DIS3L: variants seen among roughly 807,000 people sequenced by gnomAD.
DIS3L encodes DIS3 like exosome 3'-5' exoribonuclease.
A neutral mutation model predicts 120.3 loss-of-function variants in DIS3L; 100 were observed. The ratio of observed to expected loss-of-function variants is 0.83; its 90% CI spans 0.71 to 0.98. DIS3L has a LOEUF of 0.98. Ranked by LOEUF, DIS3L falls within the 50% of genes least tolerant of loss-of-function variation. DIS3L has a pLI of 0.00. For missense variants in DIS3L, 1,196 were observed against 1,314.2 expected (o/e 0.91, Z 1.39); for synonymous variants, 426 against 470.6 (o/e 0.91, Z 1.23).
At chr15:66,309,094 A>AAAAAAAAAAAAAAAAATATATAT in intron 4 of DIS3L, among the ~76,000 whole-genome samples, 9 of 15,314 alleles carry the variant, frequency 5.9e-4, no homozygotes, top group Non-Finnish European at 9.6e-4. Flanking sequence ...AAAAAAAAAA[A>AAAAAAAAAAAAAAAAATATATAT]ATATATATAT....
intron 1 of DIS3L, chr15:66,294,358 G>A: frequency 1.0e-6 from 1 of 985,526 alleles, no homozygotes. Context: ...AACGATGCAC[G>A]TTACTGGCTC....
At chr15:66,295,348 AT>A (rs2092575192) in intron 2 of DIS3L, among the ~76,000 whole-genome samples, 1 of 152,214 alleles carries the variant, frequency 6.6e-6, no homozygotes, top group Non-Finnish European at 1.5e-5. Flanking sequence ...CTGACTGTAG[AT>A]TAGTAAACTG....
intron 1 of DIS3L, chr15:66,294,000 C>T: frequency 1.0e-6 from 1 of 990,054 alleles, no homozygotes; most frequent in Non-Finnish European, 1.2e-6. Context: ...CACCCCATGC[C>T]GGAGGCCGGG....
chr15:66,303,719 A>G (rs986841042), intron 2 of DIS3L, among the ~76,000 whole-genome samples: 2 of 152,208 alleles, frequency 1.3e-5, no homozygotes, highest in African/African-American at 4.8e-5. Flanking sequence ...CCTATTACTT[A>G]ACAAATAAGT....
At chr15:66,324,694 A>G (rs1047878909) in intron 11 of DIS3L, among the ~76,000 whole-genome samples, 4 of 152,146 alleles carry the variant, frequency 2.6e-5, no homozygotes, top group African/African-American at 9.7e-5. Flanking sequence ...ATCTTTGCCA[A>G]TTTGATAGAT....
At chr15:66,312,473 T>G (rs1033822980) in intron 5 of DIS3L, among the ~76,000 whole-genome samples, 1 of 152,164 alleles carries the variant, frequency 6.6e-6, no homozygotes, top group Non-Finnish European at 1.5e-5. Context: ...GCCTGGTAAA[T>G]GCCTCCTGTC....
In DIS3L at chr15:66,326,322, T is replaced by C. The variant is rs2092937727; in HGVS notation, c.2159T>C (p.Leu720Pro). The C allele has an allele frequency of 6.2e-7, 1 of 1,614,080 alleles. No homozygotes were observed. The highest frequency in any genetic ancestry group is 8.5e-7 in the Non-Finnish European group (1 of 1,180,018). The change falls in exon 12 of 17, where the codon CTC (leucine) becomes CCC (proline). Residue 720 changes from leucine to proline, a missense_variant. Coordinates refer to ENST00000319212, the MANE Select transcript of DIS3L (RefSeq NM_001143688.3). ...CCACACCAGGAGTTCTTTTCAGAAC[T>C]CCGGGAATGTGCTAAAGCCAAAGGC... ...PPPHQEFFSE[L>P]RECAKAKGFF...
intron 7 of DIS3L, among the ~76,000 whole-genome samples, chr15:66,316,296 G>A (rs1266302355): frequency 6.8e-6 from 1 of 146,930 alleles, no homozygotes; most frequent in Admixed American, 7.2e-5. Context: ...ACACCTTGGG[G>A]TTATCCTTGA....
intron 14 of DIS3L, chr15:66,329,693 C>G (rs780543445): frequency 3.2e-5 from 33 of 1,038,004 alleles, no homozygotes; most frequent in Non-Finnish European, 3.7e-5. Context: ...GGGCGGATCA[C>G]TTGAGGTCAG....
chr15:66,330,622 G>GTC, intron 14 of DIS3L: 1 of 867,510 alleles, frequency 1.2e-6, no homozygotes, highest in Non-Finnish European at 1.4e-6. Flanking sequence ...TTTGGCCAGT[G>GTC]TCTCAGTCAC....
chr15:66,326,561 T>A, intron 12 of DIS3L, 197 bp downstream of exon 12: 2 of 638,792 alleles, frequency 3.1e-6, no homozygotes, highest in Non-Finnish European at 5.1e-6. Context: ...TATTTAGGCA[T>A]AATTTTGTTC....
chr15:66,326,925 C>T (rs145164695), intron 12 of DIS3L, among the ~76,000 whole-genome samples: 18 of 148,156 alleles, frequency 1.2e-4, no homozygotes, highest in Admixed American at 6.8e-4. Context: ...TTTTTTTGTT[C>T]GGTTGGTTTT....
chr15:66,313,904 G>T, intron 5 of DIS3L, 135 bp from the exon 6 acceptor site: 11 of 532,034 alleles, frequency 2.1e-5, no homozygotes, highest in Non-Finnish European at 2.6e-5. Context: ...TATATATATA[G>T]TTCCTAAAGG....
At chr15:66,311,259 G>GGGCTGA (rs2092758352) in intron 4 of DIS3L, among the ~76,000 whole-genome samples, 1 of 151,950 alleles carries the variant, frequency 6.6e-6, no homozygotes, top group Non-Finnish European at 1.5e-5. Flanking sequence ...GCCACTTGGG[G>GGGCTGA]GGCTGAGGTG....
intron 7 of DIS3L, among the ~76,000 whole-genome samples, chr15:66,317,170 A>C (rs868153992): frequency 6.6e-6 from 1 of 150,918 alleles, no homozygotes; most frequent in South Asian, 2.1e-4. Context: ...CTTTCTTAGC[A>C]ACTGTCACAA....
intron 4 of DIS3L, among the ~76,000 whole-genome samples, chr15:66,309,647 A>ATT (rs553844583): frequency 1.3e-4 from 20 of 152,202 alleles, no homozygotes; most frequent in Non-Finnish European, 2.8e-4. Context: ...ACTTGTTAAA[A>ATT]GTCACACAGT....
intron 8 of DIS3L, 42 bp from the exon 9 acceptor site, chr15:66,320,529 C>T (rs374332074): frequency 1.6e-5 from 25 of 1,575,742 alleles, no homozygotes; most frequent in Non-Finnish European, 2.1e-5. Flanking sequence ...ACCCACTTAA[C>T]TCCTGGTGCT....
Position 66,332,005 on chromosome 15 carries a change from T to A in DIS3L, c.2666T>A (p.Leu889His). 6.2e-7 allele frequency: 1 copy of A among 1,610,234 alleles called. No homozygotes were observed. Among genetic ancestry groups the A allele is most frequent in the South Asian group, 1.1e-5 (1 of 90,656 alleles). ...TATTCAATTAGAACAAATGGTGTGC[T>A]TCTATTTATACCAAGGTATGTTACA... ...VIYSIRTNGV[L>H]LFIPRFGIKG... Residue 889 changes from leucine to histidine, a missense_variant, in exon 15 of 17, where the codon CTT (leucine) becomes CAT (histidine). Transcript: ENST00000319212.
intron 4 of DIS3L, 111 bp from the exon 5 acceptor site, chr15:66,311,613 C>A: frequency 7.9e-7 from 1 of 1,259,522 alleles, no homozygotes; most frequent in Non-Finnish European, 1.1e-6. Flanking sequence ...TCACTGAGCA[C>A]CCCCTCAAGA....
Sources: gnomAD v4.1 joint callset for allele counts (sites outside exome capture counted in the v4.1 genomes callset) on GRCh38, gnomAD v4.1.1 for gene constraint, MANE v1.5 for transcripts, NCBI Gene and HGNC (gene_info 2026-07-23, HGNC 2026-07-21) for gene names.